Variants in TEKTIP1 observed in about 807,000 individuals in gnomAD.
TEKTIP1 encodes the protein tektin bundle interacting protein 1.
At chr19:3,542,616 G>A in the TEKTIP1 span, 1 of 755,036 alleles carries the variant, frequency 1.3e-6, no homozygotes, top group Non-Finnish European at 1.6e-6. Context: ...TGGGATTACA[G>A]GTGCCCCCCG....
At chr19:3,539,559 G>A in the TEKTIP1 span, 1 of 420,486 alleles carries the variant, frequency 2.4e-6, no homozygotes, top group Non-Finnish European at 4.3e-6. Context: ...ATCCAGGCCT[G>A]TGCGGGGCTG....
chr19:3,543,182 C>A, the TEKTIP1 span: 1 of 1,526,334 alleles, frequency 6.6e-7, no homozygotes, highest in South Asian at 1.2e-5. Context: ...GCAAAGGGGT[C>A]AAAGCACTCG....
At chr19:3,539,452 G>A in the TEKTIP1 span, 11 of 571,294 alleles carry the variant, frequency 1.9e-5, no homozygotes, top group Middle Eastern at 3.6e-4. Flanking sequence ...GGGGGCTACA[G>A]ACCTGGAGAC....
the TEKTIP1 span, chr19:3,543,433 GCA>G: frequency 1.2e-5 from 18 of 1,545,598 alleles, no homozygotes; most frequent in Non-Finnish European, 1.6e-5. Flanking sequence ...ACAACCGCTG[GCA>G]CAGCTGCTAC....
chr19:3,543,555 C>G, the TEKTIP1 span: 33 of 1,515,386 alleles, frequency 2.2e-5, no homozygotes, highest in Non-Finnish European at 2.8e-5. Context: ...CCCACCGCAG[C>G]CTACACCCAG....
At chr19:3,540,896 C>T in the TEKTIP1 span, among the ~76,000 whole-genome samples, 8 of 143,308 alleles carry the variant, frequency 5.6e-5, no homozygotes, top group East Asian at 1.0e-3. Context: ...AAAATCCAGG[C>T]GCAGTGGCTC....
At chr19:3,541,848 A>G in the TEKTIP1 span, 21 of 960,700 alleles carry the variant, frequency 2.2e-5, no homozygotes, top group Non-Finnish European at 2.6e-5. Context: ...TCGCTCTCTC[A>G]CCCAGGCTGG....
At chr19:3,540,213 C>T in the TEKTIP1 span, among the ~76,000 whole-genome samples, 1 of 150,930 alleles carries the variant, frequency 6.6e-6, no homozygotes, top group African/African-American at 2.4e-5. Context: ...CCATCTCAAG[C>T]CTTCTGAGTA....
chr19:3,543,166 G>A, the TEKTIP1 span: 1 of 1,519,308 alleles, frequency 6.6e-7, no homozygotes, highest in Non-Finnish European at 8.8e-7. Flanking sequence ...CACCCTGGCA[G>A]ACATCGCAAA....
At chr19:3,543,569 C>T in the TEKTIP1 span, 20 of 1,541,404 alleles carry the variant, frequency 1.3e-5, no homozygotes, top group African/African-American at 8.2e-5. Context: ...CACCCAGCAC[C>T]TGCGGGAGAC....
chr19:3,542,884 C>T, the TEKTIP1 span: 2 of 1,401,438 alleles, frequency 1.4e-6, no homozygotes, highest in East Asian at 4.0e-5. Flanking sequence ...GAGGAAGGGA[C>T]TTGTGGGTCT....
the TEKTIP1 span, chr19:3,543,560 AC>A: frequency 6.5e-7 from 1 of 1,532,684 alleles, no homozygotes. Context: ...CGCAGCCTAC[AC>A]CCAGCACCTG....
chr19:3,543,761 TC>T, the TEKTIP1 span: 7 of 1,490,142 alleles, frequency 4.7e-6, no homozygotes, highest in Non-Finnish European at 6.3e-6. Flanking sequence ...CCCGGGGCGA[TC>T]CAGGAGCCCC....
chr19:3,543,223 G>A, the TEKTIP1 span: 1 of 1,540,614 alleles, frequency 6.5e-7, no homozygotes, highest in South Asian at 1.2e-5. Flanking sequence ...TCTGCCCCCT[G>A]CCCACCCTCA....
chr19:3,542,186 G>C, the TEKTIP1 span: 89 of 985,272 alleles, frequency 9.0e-5, no homozygotes, highest in Non-Finnish European at 1.0e-4. Flanking sequence ...AGGTTCTCCT[G>C]ATCTTGAAAT....
chr19:3,543,915 G>A, the TEKTIP1 span: 22 of 1,550,966 alleles, frequency 1.4e-5, no homozygotes, highest in South Asian at 6.0e-5. Flanking sequence ...GCGCCCGCCC[G>A]GCACCACCCA....
the TEKTIP1 span, among the ~76,000 whole-genome samples, chr19:3,540,269 T>G: frequency 6.6e-6 from 1 of 151,634 alleles, no homozygotes; most frequent in Non-Finnish European, 1.5e-5. Flanking sequence ...ATTTTTGTTT[T>G]TTTTTTTGGA....
At chr19:3,543,453 G>GT in the TEKTIP1 span, 1 of 1,543,700 alleles carries the variant, frequency 6.5e-7, no homozygotes. Context: ...TACCAACACC[G>GT]TGAGTGCAGC....
chr19:3,543,021 C>T, the TEKTIP1 span: 192 of 1,604,042 alleles, frequency 1.2e-4, no homozygotes, highest in African/African-American at 4.5e-4. Context: ...GCTTGGGGTG[C>T]GATGTGTGGG....
Sources: gnomAD v4.1 joint callset for allele counts (sites outside exome capture counted in the v4.1 genomes callset) on GRCh38, gnomAD v4.1.1 for gene constraint, MANE v1.5 for transcripts, NCBI Gene and HGNC (gene_info 2026-07-23, HGNC 2026-07-21) for gene names.